Variants in ITGB6 observed in about 807,000 individuals in gnomAD.
ITGB6 encodes integrin beta-6.
Under a neutral mutation model 84.5 loss-of-function variants are expected in ITGB6, and 80 were observed. The ratio of observed to expected loss-of-function variants is 0.95; its 90% confidence interval spans 0.79 to 1.14. The LOEUF (loss-of-function observed/expected upper bound fraction) is 1.14, where lower values mean the gene tolerates loss of function less well. ITGB6 is among the 50% of genes most tolerant of loss of function. The probability of loss-of-function intolerance (pLI) is 0.00; values close to 1 mark genes in which losing one functional copy is unlikely to be tolerated. For missense variants in ITGB6, 1,006 were observed against 968.0 expected (o/e 1.04, Z -0.52); for synonymous variants, 383 against 354.9 (o/e 1.08, Z -0.89).
In ITGB6 at chr2:160,119,674, A is replaced by C. The variant is rs906549504; in HGVS notation, c.1981+4117T>G. 4.6e-5 allele frequency among the ~76,000 whole-genome samples: 7 copies of C among 152,114 alleles called. No homozygotes were observed. In the East Asian group the frequency reaches 1.2e-3, roughly 25 times the overall value. On this transcript the variant is annotated intron_variant, in intron 12 of 14. Coordinates refer to ENST00000283249, the MANE Select transcript of ITGB6 (RefSeq NM_000888.5). ...AGTCAAAATTAACAAATGGGATCTA[A>C]TTAAACTAAAGGGCTTCTGCACAGC...
intron 10 of ITGB6, among the ~76,000 whole-genome samples, chr2:160,129,346 A>G (rs1255185041): frequency 6.6e-6 from 1 of 151,692 alleles, no homozygotes; most frequent in East Asian, 1.9e-4. Flanking sequence ...GGATGTTTCA[A>G]ACAAATAACA....
Position 160,123,801 on chromosome 2 carries a change from A to G in ITGB6, c.1971T>C (p.Ser657=). ...DKCKLAGATI[S]EEEDFSKDGS... is the part of the protein sequence containing the mutation. The stretch of plus-strand genomic sequence containing the variant: ...TAAGACAAGCAGAACCTTCTTCTTC[A>G]CTGATGGTCGCACCAGCTAGTTTGC... Residue 657 remains serine (S), a synonymous_variant, in exon 12 of 15, where the codon AGT becomes AGC. Transcript: ENST00000283249. The G allele has an allele frequency of 6.2e-7, 1 of 1,613,404 alleles. No homozygotes were observed. Among genetic ancestry groups the G allele is most frequent in the East Asian group, 2.2e-5 (1 of 44,874 alleles).
intron 13 of ITGB6, among the ~76,000 whole-genome samples, chr2:160,110,860 G>C (rs1183381124): frequency 6.6e-6 from 1 of 152,192 alleles, no homozygotes; most frequent in Non-Finnish European, 1.5e-5. Context: ...CCCTGGAAGT[G>C]CCAGGCCTAC....
At chr2:160,148,666 C>T (rs1684289219) in intron 7 of ITGB6, among the ~76,000 whole-genome samples, 1 of 152,198 alleles carries the variant, frequency 6.6e-6, no homozygotes, top group Non-Finnish European at 1.5e-5. Flanking sequence ...CCGGGAAGTG[C>T]AAAGGGTCAG....
At chr2:160,185,500 A>T (rs1303557874) in intron 4 of ITGB6, among the ~76,000 whole-genome samples, 2 of 152,262 alleles carry the variant, frequency 1.3e-5, no homozygotes, top group Non-Finnish European at 2.9e-5. Flanking sequence ...AAAACATTCC[A>T]TGCTCATGGA....
intron 4 of ITGB6, among the ~76,000 whole-genome samples, chr2:160,175,428 C>T (rs548542931): frequency 6.6e-6 from 1 of 152,320 alleles, no homozygotes; most frequent in South Asian, 2.1e-4. Context: ...CAAAGCATCT[C>T]CCTATATGCA....
intron 7 of ITGB6, among the ~76,000 whole-genome samples, chr2:160,159,098 C>CAAAA (rs71408116): frequency 9.3e-6 from 1 of 107,860 alleles, no homozygotes; most frequent in Non-Finnish European, 1.9e-5. Flanking sequence ...GACTCCATCT[C>CAAAA]AAAAAAAAAA....
At chr2:160,115,378 C>A (rs540425014) in intron 12 of ITGB6, among the ~76,000 whole-genome samples, 44 of 152,248 alleles carry the variant, frequency 2.9e-4, no homozygotes, top group Admixed American at 1.1e-3. Context: ...CTGCAGCCAC[C>A]GCTGCTGATA....
At chr2:160,142,111 A>C in intron 7 of ITGB6, 40 bp from the exon 8 acceptor site, 1 of 1,316,220 alleles carries the variant, frequency 7.6e-7, no homozygotes. Flanking sequence ...TTGTTTCCTC[A>C]TGGTAATTGA....
chr2:160,162,007 T>A (rs201860344), intron 7 of ITGB6, among the ~76,000 whole-genome samples: 1 of 152,228 alleles, frequency 6.6e-6, no homozygotes, highest in East Asian at 1.9e-4. Context: ...ATACTGTGAA[T>A]GGAGCGTGCA....
intron 10 of ITGB6, among the ~76,000 whole-genome samples, chr2:160,135,331 G>A (rs1683661316): frequency 6.6e-6 from 1 of 151,940 alleles, no homozygotes; most frequent in Non-Finnish European, 1.5e-5. Context: ...AAATGCCTAG[G>A]AATCCAACTT....
Position 160,137,698 on chromosome 2 carries a change from T to C in ITGB6, c.1396A>G (p.Lys466Glu), listed in dbSNP as rs1030364807. 5 of 1,614,080 alleles carry C rather than the reference T, an allele frequency of 3.1e-6. No homozygotes were observed. The highest frequency in any genetic ancestry group is 4.2e-6 in the Non-Finnish European group (5 of 1,180,040). Residue 466 changes from lysine to glutamate, a missense_variant, in exon 10 of 15, where the codon AAA (lysine) becomes GAA (glutamate). Transcript: ENST00000283249. ...AAAGAGCCGTTCCCGTGGTGACATT[T>C]GGAGCTGTTCACTTCCACTTCTTTC... The part of the protein sequence containing the change: ...CQKEVEVNSS[K>E]CHHGNGSFQC...
chr2:160,142,835 T>A (rs1325964975), intron 7 of ITGB6, among the ~76,000 whole-genome samples: 1 of 152,240 alleles, frequency 6.6e-6, no homozygotes, highest in African/African-American at 2.4e-5. Context: ...TCCAGACAGC[T>A]GGACATTTCC....
intron 4 of ITGB6, among the ~76,000 whole-genome samples, chr2:160,176,084 A>G (rs375233317): frequency 1.4e-4 from 22 of 152,242 alleles, no homozygotes; most frequent in African/African-American, 5.3e-4. Context: ...AGGTTTGGAT[A>G]TGTCCCCAGG....
chr2:160,189,485 A>T (rs1686048368), intron 4 of ITGB6, among the ~76,000 whole-genome samples: 1 of 152,330 alleles, frequency 6.6e-6, no homozygotes, highest in South Asian at 2.1e-4. Flanking sequence ...AGAATCTACA[A>T]TGAACTCAAA....
chr2:160,140,696 A>G (rs1310648632), intron 8 of ITGB6, among the ~76,000 whole-genome samples: 2 of 152,218 alleles, frequency 1.3e-5, no homozygotes, highest in Admixed American at 6.5e-5. Flanking sequence ...GTGGTGATGA[A>G]TTTGATGTGA....
chr2:160,199,995 G>T lies in ITGB6; in HGVS notation c.61+8C>A, dbSNP rs561566241. 1.2e-6 allele frequency: 2 copies of T among 1,608,706 alleles called. No homozygotes were observed. Among genetic ancestry groups the T allele is most frequent in the East Asian group, 4.5e-5 (2 of 44,796 alleles). On this transcript the variant is annotated splice_region_variant and intron_variant, in intron 1 of 14. Coordinates refer to ENST00000283249, the MANE Select transcript of ITGB6 (RefSeq NM_000888.5). ...CGAAAGTAATATATCAGAGAACGCAGGTCTTACCTTGTACGTGATCATTCC... is the reference window on the plus strand; with the variant it reads ...CGAAAGTAATATATCAGAGAACGCATGTCTTACCTTGTACGTGATCATTCC...
intron 14 of ITGB6, among the ~76,000 whole-genome samples, chr2:160,104,228 T>C (rs981691886): frequency 5.3e-5 from 8 of 152,136 alleles, no homozygotes; most frequent in Non-Finnish European, 1.2e-4. Context: ...CAAGTACATA[T>C]TGCTGTTGTG....
intron 12 of ITGB6, among the ~76,000 whole-genome samples, chr2:160,120,537 G>A (rs1682984392): frequency 1.7e-5 from 1 of 57,216 alleles, no homozygotes; most frequent in East Asian, 3.6e-4. Flanking sequence ...GGAGGGGGAA[G>A]GGATAGCATT....
Sources: gnomAD v4.1 joint callset for allele counts (sites outside exome capture counted in the v4.1 genomes callset) on GRCh38, gnomAD v4.1.1 for gene constraint, MANE v1.5 for transcripts, NCBI Gene and HGNC (gene_info 2026-07-23, HGNC 2026-07-21) for gene names.